Variants in COP1 observed in about 807,000 individuals in gnomAD.
COP1 encodes the protein E3 ubiquitin-protein ligase COP1.
Under a neutral mutation model 101.3 loss-of-function variants are expected in COP1, and 24 were observed. The ratio of observed to expected loss-of-function variants is 0.24; its 90% CI spans 0.17 to 0.33. The LOEUF (loss-of-function observed/expected upper bound fraction) is 0.33. Ranked by LOEUF, COP1 falls within the 10% of genes least tolerant of loss-of-function variation. COP1 has a pLI of 1.00. For missense variants in COP1, 663 were observed against 906.2 expected (o/e 0.73, Z 3.45); for synonymous variants, 347 against 341.9 (o/e 1.01, Z -0.17).
intron 17 of COP1, 98 bp downstream of exon 17, chr1:175,988,190 G>C: frequency 1.7e-6 from 2 of 1,173,604 alleles, no homozygotes; most frequent in Non-Finnish European, 2.4e-6. Flanking sequence ...TGAGTGCACA[G>C]ACCATTTCTT....
intron 8 of COP1, among the ~76,000 whole-genome samples, chr1:176,134,282 A>G (rs552254465): frequency 6.6e-6 from 1 of 152,190 alleles, no homozygotes; most frequent in South Asian, 2.1e-4. Flanking sequence ...AACAAATCAA[A>G]AACAAATGAT....
chr1:176,068,500 G>A (rs571421740), intron 11 of COP1, among the ~76,000 whole-genome samples: 26 of 152,134 alleles, frequency 1.7e-4, no homozygotes, highest in Non-Finnish European at 2.9e-4. Flanking sequence ...GGGTAAGAAC[G>A]ACTAACATTT....
chr1:175,992,699 C>T (rs1033569885), intron 15 of COP1, among the ~76,000 whole-genome samples: 20 of 152,212 alleles, frequency 1.3e-4, no homozygotes, highest in African/African-American at 2.4e-5. Flanking sequence ...GGGGGAGGGG[C>T]ACCTGCCATT....
intron 1 of COP1, among the ~76,000 whole-genome samples, chr1:176,198,784 G>GA (rs1173498396): frequency 4.0e-5 from 6 of 151,810 alleles, no homozygotes; most frequent in Non-Finnish European, 2.9e-5. Flanking sequence ...AATTTTAAGG[G>GA]AAAAAATGGG....
At chr1:176,055,562 T>C (rs1673329535) in intron 11 of COP1, among the ~76,000 whole-genome samples, 2 of 152,226 alleles carry the variant, frequency 1.3e-5, no homozygotes, top group South Asian at 4.1e-4. Flanking sequence ...ATCTATATAG[T>C]ACACTGATGA....
chr1:176,014,910 T>C (rs1157356268), intron 15 of COP1, among the ~76,000 whole-genome samples: 2 of 152,196 alleles, frequency 1.3e-5, no homozygotes, highest in Admixed American at 6.5e-5. Flanking sequence ...GAAAAGTCCC[T>C]GCTTTTCTGT....
chr1:175,989,260 C>T (rs1446822804), intron 16 of COP1, 102 bp downstream of exon 16: 11 of 588,930 alleles, frequency 1.9e-5, no homozygotes, highest in Admixed American at 1.0e-4. Context: ...AGTACATATA[C>T]TCCAATATTA....
At chr1:175,993,140 G>A (rs1302047521) in intron 15 of COP1, among the ~76,000 whole-genome samples, 1 of 152,178 alleles carries the variant, frequency 6.6e-6, no homozygotes, top group Non-Finnish European at 1.5e-5. Flanking sequence ...ACAGGGTCTG[G>A]AGTGGACCTC....
rs142773082 is a variant in COP1, at chr1:176,101,416, G to C, written c.1026+15208C>G. 2.6e-3 allele frequency among the ~76,000 whole-genome samples: 397 copies of C among 152,196 alleles called. 3 individuals carry two copies. The highest frequency in any genetic ancestry group is 9.1e-3 in the African/African-American group (379 of 41,544). On this transcript the variant is annotated intron_variant, in intron 9 of 19. Transcript: ENST00000367669. Reference sequence around the variant, plus strand: ...CCAGGACTCCTTTGGAAAAAAAAAGGCTTTCTTTTTCCTTTCTCCTCCTCT... The same window carrying C: ...CCAGGACTCCTTTGGAAAAAAAAAGCCTTTCTTTTTCCTTTCTCCTCCTCT...
intron 11 of COP1, among the ~76,000 whole-genome samples, chr1:176,051,180 A>T (rs1409328982): frequency 6.6e-6 from 1 of 152,204 alleles, no homozygotes; most frequent in African/African-American, 2.4e-5. Context: ...GGCAATGATT[A>T]TTGGGGCTCA....
intron 5 of COP1, among the ~76,000 whole-genome samples, chr1:176,160,011 A>G (rs1694056320): frequency 6.6e-6 from 1 of 152,196 alleles, no homozygotes; most frequent in Non-Finnish European, 1.5e-5. Context: ...AATAATAATG[A>G]AAAGTAAAAC....
chr1:176,089,080 ATC>A (rs1359273324), intron 9 of COP1, among the ~76,000 whole-genome samples: 1 of 151,786 alleles, frequency 6.6e-6, no homozygotes, highest in Admixed American at 6.6e-5. Flanking sequence ...AGGTGTGTGG[ATC>A]ACGAGATCAG....
intron 15 of COP1, among the ~76,000 whole-genome samples, chr1:175,998,260 A>G (rs997225968): frequency 1.6e-4 from 24 of 149,990 alleles, no homozygotes; most frequent in African/African-American, 5.4e-4. Flanking sequence ...GAATTGAACA[A>G]TGAGAACACA....
chr1:176,007,895 T>C (rs1034207239), intron 15 of COP1, among the ~76,000 whole-genome samples: 1 of 152,224 alleles, frequency 6.6e-6, no homozygotes, highest in South Asian at 2.1e-4. Context: ...CCTGGCTGCT[T>C]TGTTTACCTA....
rs563226730 is a variant in COP1 at position 176,131,748 on chromosome 1, C to T, written c.968+3262G>A. The stretch of plus-strand genomic sequence containing the variant: ...ATATTTGTCTCAGAATGTCTGATTT[C>T]AAATCGTAATCTTAAGGATCATTTT... On this transcript the variant is annotated intron_variant, in intron 8 of 19. Transcript: ENST00000367669. Among the ~76,000 whole-genome samples, 260 of 151,942 alleles carry T rather than the reference C, an allele frequency of 1.7e-3. 1 individual carries two copies. The highest frequency in any genetic ancestry group is 6.2e-3 in the African/African-American group (256 of 41,516).
chr1:175,960,257 A>T (rs1571256910), intron 18 of COP1, among the ~76,000 whole-genome samples: 1 of 152,210 alleles, frequency 6.6e-6, no homozygotes, highest in African/African-American at 2.4e-5. Flanking sequence ...GAAAGATTTC[A>T]ATTCAAAGCT....
At chr1:176,135,336 T>C (rs1010152685) in intron 7 of COP1, among the ~76,000 whole-genome samples, 4 of 152,036 alleles carry the variant, frequency 2.6e-5, no homozygotes, top group South Asian at 4.1e-4. Context: ...TTGTTCATCA[T>C]TAATGAAGCC....
At chr1:176,143,209 T>G (rs1178898153) in intron 6 of COP1, among the ~76,000 whole-genome samples, 2 of 150,954 alleles carry the variant, frequency 1.3e-5, no homozygotes, top group Non-Finnish European at 2.9e-5. Context: ...CTGGTGACAT[T>G]AAAAACTTAA....
intron 18 of COP1, among the ~76,000 whole-genome samples, chr1:175,955,766 CCACACA>C (rs60306255): frequency 2.0e-4 from 26 of 129,284 alleles, no homozygotes; most frequent in African/African-American, 5.6e-4. Context: ...TAGAGACAAA[CCACACA>C]CACACACACA....
Sources: allele counts gnomAD v4.1 joint callset (sites outside exome capture counted in the v4.1 genomes callset), GRCh38; gene constraint gnomAD v4.1.1; transcripts MANE v1.5; gene names NCBI Gene and HGNC (gene_info 2026-07-23, HGNC 2026-07-21).